CCDC50: variants seen among roughly 807,000 people sequenced by gnomAD.
CCDC50 encodes the protein coiled-coil domain containing 50.
In CCDC50, 54 loss-of-function variants were observed where a neutral mutation model predicts 70.2. That is an observed-to-expected ratio of 0.77 (90% CI 0.62 to 0.96). The LOEUF is 0.96. Among genes scored for constraint, CCDC50 ranks in the 50% least tolerant of loss-of-function variants. The pLI is 0.00. For synonymous variants in CCDC50, 216 were observed against 198.8 expected, an observed-to-expected ratio of 1.09 and a Z score of -0.73; for missense variants, 558 against 578.7, an observed-to-expected ratio of 0.96 and a Z score of 0.37.
At chr3:191,340,145 T>G (rs1711672449) in intron 1 of CCDC50, among the ~76,000 whole-genome samples, 1 of 152,234 alleles carries the variant, frequency 6.6e-6, no homozygotes, top group Non-Finnish European at 1.5e-5. Context: ...AGAGGTAATT[T>G]AATCTGTCTC....
intron 4 of CCDC50, among the ~76,000 whole-genome samples, chr3:191,367,922 G>A (rs976195994): frequency 2.0e-5 from 3 of 151,970 alleles, no homozygotes; most frequent in Non-Finnish European, 4.4e-5. Context: ...TAGGCTATCT[G>A]TCCCGTTCCT....
intron 10 of CCDC50, among the ~76,000 whole-genome samples, chr3:191,387,865 G>C (rs2108675462): frequency 6.6e-6 from 1 of 152,214 alleles, no homozygotes; most frequent in African/African-American, 2.4e-5. Context: ...AAAGAGAGAA[G>C]AACAGACTGG....
At chr3:191,390,684 A>G (rs562799525) in intron 11 of CCDC50, among the ~76,000 whole-genome samples, 21 of 152,274 alleles carry the variant, frequency 1.4e-4, no homozygotes, top group African/African-American at 3.6e-4. Flanking sequence ...AGTGAGGACA[A>G]CCAGAGTTCA....
chr3:191,349,365 A>G (rs1196680490), intron 1 of CCDC50, among the ~76,000 whole-genome samples: 1 of 142,468 alleles, frequency 7.0e-6, no homozygotes, highest in African/African-American at 2.5e-5. Context: ...TCAAAGTGTC[A>G]TTAATATATC....
chr3:191,332,307 A>G (rs1019263415), intron 1 of CCDC50, among the ~76,000 whole-genome samples: 2 of 152,238 alleles, frequency 1.3e-5, no homozygotes, highest in African/African-American at 4.8e-5. Context: ...ACACACACAC[A>G]TACACCTATG....
At chr3:191,362,838 A>T (rs909338056) in intron 4 of CCDC50, among the ~76,000 whole-genome samples, 1 of 152,228 alleles carries the variant, frequency 6.6e-6, no homozygotes, top group East Asian at 1.9e-4. Context: ...AATCATGATC[A>T]TGTGATAATC....
At chr3:191,381,057 A>G (rs1317106466) in intron 9 of CCDC50, 125 bp downstream of exon 9, 3 of 765,132 alleles carry the variant, frequency 3.9e-6, no homozygotes. Flanking sequence ...TCTGTATTGC[A>G]TATGTGAATC....
At position 191,393,953 on chromosome 3, in the gene CCDC50, C is replaced by G. The variant is rs925412349; in HGVS notation, c.*2193C>G. ...ATTTCATAAATATTTATTTTTCTAT[C>G]TCATACAATGATCAGTTTTACTTTA... On this transcript the variant is annotated 3_prime_UTR_variant, in exon 12 of 12. Coordinates refer to ENST00000392455, the MANE Select transcript of CCDC50 (RefSeq NM_178335.3). The G allele has an allele frequency of 6.6e-6, 1 of 152,010 alleles. No individual in the cohort carries two copies. Among genetic ancestry groups the G allele is most frequent in the African/African-American group, 2.4e-5 (1 of 41,402 alleles). 9.4% of individuals were successfully genotyped at this position (152,010 alleles called of 1,614,324 possible).
chr3:191,397,154 G>C lies in CCDC50; in HGVS notation c.*5394G>C, dbSNP rs1016063928. 6.6e-6 allele frequency: 1 copy of C among 152,152 alleles called. No homozygotes were observed. Among genetic ancestry groups the C allele is most frequent in the African/African-American group, 2.4e-5 (1 of 41,428 alleles). The allele number at this position is 152,152 out of a possible 1,614,324, so 9.4% of individuals were successfully genotyped here. A position where few individuals can be genotyped will look rare whatever the true frequency, so the allele number is the denominator to read the frequency against. On this transcript the variant is annotated 3_prime_UTR_variant, in exon 12 of 12. Coordinates refer to ENST00000392455, the MANE Select transcript of CCDC50 (RefSeq NM_178335.3). ...CGACATTTTCTTCCCAAAAGATCAA[G>C]TAAGGAGTAAGAACAAGTAAGGGAA...
At chr3:191,340,180 T>A (rs1711673585) in intron 1 of CCDC50, among the ~76,000 whole-genome samples, 3 of 152,230 alleles carry the variant, frequency 2.0e-5, no homozygotes, top group Non-Finnish European at 4.4e-5. Flanking sequence ...CATGAGGCTC[T>A]GATTTGGAAG....
intron 4 of CCDC50, among the ~76,000 whole-genome samples, chr3:191,366,204 A>G (rs1712683562): frequency 1.3e-5 from 2 of 152,202 alleles, no homozygotes; most frequent in South Asian, 2.1e-4. Flanking sequence ...ATATTTATCA[A>G]TCCCCTACTG....
chr3:191,381,441 CG>C (rs1382955987), intron 9 of CCDC50, among the ~76,000 whole-genome samples: 4 of 152,074 alleles, frequency 2.6e-5, no homozygotes, highest in African/African-American at 9.7e-5. Context: ...ACCTATCTAG[CG>C]TGAGTTTGGA....
intron 1 of CCDC50, among the ~76,000 whole-genome samples, chr3:191,342,133 A>C (rs948318470): frequency 3.9e-5 from 6 of 152,182 alleles, no homozygotes; most frequent in Non-Finnish European, 7.3e-5. Flanking sequence ...AAATTTCAAG[A>C]TTTACACATT....
At chr3:191,380,800 T>G in intron 8 of CCDC50, 28 bp from the exon 9 acceptor site, 2 of 1,609,824 alleles carry the variant, frequency 1.2e-6, no homozygotes, top group Non-Finnish European at 1.7e-6. Flanking sequence ...ACCTCTGCAG[T>G]TAATGATATT....
intron 1 of CCDC50, among the ~76,000 whole-genome samples, chr3:191,335,308 T>C (rs1169390950): frequency 6.6e-6 from 1 of 152,154 alleles, no homozygotes; most frequent in African/African-American, 2.4e-5. Flanking sequence ...TTCAAACAAC[T>C]ATATTTGCTG....
At chr3:191,359,475 A>G (rs1712409535) in intron 3 of CCDC50, among the ~76,000 whole-genome samples, 1 of 152,196 alleles carries the variant, frequency 6.6e-6, no homozygotes, top group African/African-American at 2.4e-5. Flanking sequence ...TAGATTTTAA[A>G]TTATAAGGAA....
intron 1 of CCDC50, among the ~76,000 whole-genome samples, chr3:191,349,966 A>AGCC (rs1712048855): frequency 9.5e-6 from 1 of 105,622 alleles, no homozygotes; most frequent in African/African-American, 3.1e-5. Context: ...ATTTAATAAT[A>AGCC]CCCCCCCCCT....
At chr3:191,378,403 T>C (rs1322999056) in intron 6 of CCDC50, among the ~76,000 whole-genome samples, 2 of 152,142 alleles carry the variant, frequency 1.3e-5, no homozygotes, top group African/African-American at 4.8e-5. Flanking sequence ...TGGTGTACTT[T>C]AGGAGGCATA....
intron 4 of CCDC50, among the ~76,000 whole-genome samples, chr3:191,363,673 C>T (rs1000834638): frequency 3.7e-4 from 57 of 152,196 alleles, no homozygotes; most frequent in African/African-American, 1.4e-3. Flanking sequence ...CAAGCGTTTA[C>T]ACACGTGTCA....
Sources: gnomAD v4.1 joint callset for allele counts (sites outside exome capture counted in the v4.1 genomes callset) on GRCh38, gnomAD v4.1.1 for gene constraint, MANE v1.5 for transcripts, NCBI Gene and HGNC (gene_info 2026-07-23, HGNC 2026-07-21) for gene names.